Variants in DPP10 observed in about 807,000 individuals in gnomAD.
The protein encoded by DPP10 is inactive dipeptidyl peptidase 10.
Under a neutral mutation model 120.9 loss-of-function variants are expected in DPP10, and 33 were observed. The observed-to-expected ratio is 0.27, with a 90% CI of 0.21 to 0.37. The LOEUF (loss-of-function observed/expected upper bound fraction) is 0.37. Among genes scored for constraint, DPP10 ranks in the 10% least tolerant of loss-of-function variants. The pLI is 1.00. For synonymous variants in DPP10, 337 were observed against 326.1 expected (o/e 1.03, Z -0.36); for missense variants, 816 against 942.8 (o/e 0.87, Z 1.76).
chr2:114,982,515 CCTT>C (rs1171881704), intron 1 of DPP10, among the ~76,000 whole-genome samples: 1 of 151,980 alleles, frequency 6.6e-6, no homozygotes, highest in African/African-American at 2.4e-5. Flanking sequence ...GAAGTACAAG[CCTT>C]CTTTAAAATT....
At chr2:114,654,242 A>C (rs954006576) in intron 1 of DPP10, among the ~76,000 whole-genome samples, 1 of 152,210 alleles carries the variant, frequency 6.6e-6, no homozygotes, top group African/African-American at 2.4e-5. Flanking sequence ...GCAGGTAAGC[A>C]GTCTAACCAG....
At chr2:114,960,421 G>A (rs1698526084) in intron 1 of DPP10, among the ~76,000 whole-genome samples, 1 of 149,672 alleles carries the variant, frequency 6.7e-6, no homozygotes, top group Admixed American at 6.7e-5. Context: ...GTGATCTGTG[G>A]AAATAACTGC....
chr2:115,503,669 G>A (rs1247997890), intron 4 of DPP10, among the ~76,000 whole-genome samples: 1 of 152,138 alleles, frequency 6.6e-6, no homozygotes, highest in East Asian at 1.9e-4. Context: ...ATAGACATCA[G>A]TAGTGTAACT....
chr2:114,702,682 A>C (rs933196249), intron 1 of DPP10, among the ~76,000 whole-genome samples: 4 of 152,072 alleles, frequency 2.6e-5, no homozygotes, highest in African/African-American at 9.7e-5. Flanking sequence ...TTCAACGCTG[A>C]TGCTGTGGTC....
At chr2:115,143,834 G>A (rs1331753268) in intron 1 of DPP10, among the ~76,000 whole-genome samples, 1 of 152,194 alleles carries the variant, frequency 6.6e-6, no homozygotes, top group Non-Finnish European at 1.5e-5. Flanking sequence ...CCCAGTACCA[G>A]CAGAAGACAG....
intron 2 of DPP10, among the ~76,000 whole-genome samples, chr2:115,339,098 T>A (rs567821649): frequency 1.3e-5 from 2 of 152,284 alleles, no homozygotes; most frequent in South Asian, 4.1e-4. Context: ...ACTCATCAAA[T>A]GCAGCATTAA....
chr2:115,034,975 A>G (rs541988899), intron 1 of DPP10, among the ~76,000 whole-genome samples: 203 of 152,314 alleles, frequency 1.3e-3, no homozygotes, highest in African/African-American at 4.6e-3. Flanking sequence ...ACTCTCTGTG[A>G]TAAGTTCATG....
At chr2:115,513,617 C>T (rs1429418193) in intron 4 of DPP10, among the ~76,000 whole-genome samples, 1 of 151,940 alleles carries the variant, frequency 6.6e-6, no homozygotes, top group Non-Finnish European at 1.5e-5. Context: ...AGATAAAATA[C>T]TAATTTAATT....
intron 4 of DPP10, among the ~76,000 whole-genome samples, chr2:115,519,769 C>A (rs986741011): frequency 6.6e-6 from 1 of 152,130 alleles, no homozygotes; most frequent in Non-Finnish European, 1.5e-5. Flanking sequence ...TCAACTAGAT[C>A]GTAATCTTTT....
At chr2:115,013,807 A>G (rs1254641081) in intron 1 of DPP10, among the ~76,000 whole-genome samples, 2 of 152,142 alleles carry the variant, frequency 1.3e-5, no homozygotes, top group Admixed American at 1.3e-4. Flanking sequence ...TCCTAAATAT[A>G]TATACACCCC....
At chr2:115,653,445 A>G (rs1369773013) in intron 5 of DPP10, among the ~76,000 whole-genome samples, 1 of 152,044 alleles carries the variant, frequency 6.6e-6, no homozygotes, top group Non-Finnish European at 1.5e-5. Flanking sequence ...TGCCATCTAC[A>G]TTAAAAATGT....
intron 1 of DPP10, among the ~76,000 whole-genome samples, chr2:115,280,477 T>C (rs2060114306): frequency 6.6e-6 from 1 of 152,158 alleles, no homozygotes; most frequent in African/African-American, 2.4e-5. Flanking sequence ...GTCCTATAGC[T>C]CAGTGTTCAC....
chr2:115,665,608 C>A (rs1386551087), intron 5 of DPP10, among the ~76,000 whole-genome samples: 2 of 152,154 alleles, frequency 1.3e-5, no homozygotes. Context: ...TAAAATACTT[C>A]TCTATTCCTT....
At chr2:115,518,381 T>C (rs1244094461) in intron 4 of DPP10, among the ~76,000 whole-genome samples, 2 of 152,194 alleles carry the variant, frequency 1.3e-5, no homozygotes, top group African/African-American at 4.8e-5. Flanking sequence ...GCTAAATTAA[T>C]GATGTTATAT....
chr2:114,789,716 A>T (rs969152968), intron 1 of DPP10, among the ~76,000 whole-genome samples: 3 of 152,228 alleles, frequency 2.0e-5, no homozygotes, highest in African/African-American at 7.2e-5. Flanking sequence ...ATAAATAAAT[A>T]CATTGATTAA....
intron 1 of DPP10, among the ~76,000 whole-genome samples, chr2:114,560,315 A>G (rs1688666453): frequency 6.6e-6 from 1 of 152,208 alleles, no homozygotes; most frequent in African/African-American, 2.4e-5. Flanking sequence ...TCTTACCACT[A>G]TAATTTTTTT....
intron 1 of DPP10, among the ~76,000 whole-genome samples, chr2:114,517,458 T>G (rs1392610324): frequency 3.3e-5 from 5 of 150,442 alleles, no homozygotes; most frequent in Non-Finnish European, 7.4e-5. Context: ...AGACGGAGGC[T>G]GCAGTGAGCT....
intron 1 of DPP10, among the ~76,000 whole-genome samples, chr2:114,686,961 C>A (rs1246835910): frequency 6.6e-6 from 1 of 151,892 alleles, no homozygotes; most frequent in Non-Finnish European, 1.5e-5. Flanking sequence ...ATTATTTGCT[C>A]ATATGTTGCT....
intron 1 of DPP10, among the ~76,000 whole-genome samples, chr2:114,989,038 A>G (rs1442470345): frequency 6.6e-6 from 1 of 152,214 alleles, no homozygotes; most frequent in Non-Finnish European, 1.5e-5. Flanking sequence ...ACCATATATC[A>G]TAAACTACAT....
Sources: gnomAD v4.1 joint callset for allele counts (sites outside exome capture counted in the v4.1 genomes callset) on GRCh38, gnomAD v4.1.1 for gene constraint, MANE v1.5 for transcripts, NCBI Gene and HGNC (gene_info 2026-07-23, HGNC 2026-07-21) for gene names.